The following C1orf21 variants were observed in gnomAD, a reference collection of about 807,000 sequenced individuals.
C1orf21 encodes the protein uncharacterized protein C1orf21.
In C1orf21, 3 loss-of-function variants were observed where a neutral mutation model predicts 18.7. The observed-to-expected ratio is 0.16, with a 90% CI of 0.07 to 0.42. The LOEUF (loss-of-function observed/expected upper bound fraction) is 0.42. Among genes scored for constraint, C1orf21 ranks in the 10% least tolerant of loss-of-function variants. C1orf21 has a pLI of 0.99. For missense variants in C1orf21, 104 were observed against 143.6 expected (o/e 0.72, Z 1.41); for synonymous variants, 41 against 46.4 (o/e 0.88, Z 0.47).
intron 1 of C1orf21, among the ~76,000 whole-genome samples, chr1:184,417,482 AC>A (rs1388117308): frequency 1.3e-5 from 2 of 152,202 alleles, no homozygotes; most frequent in Non-Finnish European, 2.9e-5. Context: ...CAAATTATAG[AC>A]CTCAAAAATT....
At chr1:184,435,229 T>C (rs574985788) in intron 1 of C1orf21, among the ~76,000 whole-genome samples, 1 of 152,350 alleles carries the variant, frequency 6.6e-6, no homozygotes, top group East Asian at 1.9e-4. Flanking sequence ...AGCTCTGGTT[T>C]GGCTGTATTA....
intron 1 of C1orf21, among the ~76,000 whole-genome samples, chr1:184,429,152 G>C (rs1446010749): frequency 6.6e-6 from 1 of 152,150 alleles, no homozygotes; most frequent in African/African-American, 2.4e-5. Flanking sequence ...ACAGCGATTT[G>C]GTCCTAGAGG....
intron 1 of C1orf21, among the ~76,000 whole-genome samples, chr1:184,439,303 G>A (rs1311192795): frequency 6.6e-6 from 1 of 151,866 alleles, no homozygotes. Context: ...GCTCAGGTTT[G>A]GGTCCTGGCT....
intron 3 of C1orf21, among the ~76,000 whole-genome samples, 175 bp from the exon 4 acceptor site, chr1:184,590,564 G>A (rs1267460672): frequency 6.6e-6 from 1 of 152,138 alleles, no homozygotes; most frequent in African/African-American, 2.4e-5. Flanking sequence ...CTCCCTGTTT[G>A]GCAGGTTCTA....
intron 1 of C1orf21, among the ~76,000 whole-genome samples, chr1:184,399,960 A>G (rs979064652): frequency 6.6e-6 from 1 of 152,196 alleles, no homozygotes; most frequent in Non-Finnish European, 1.5e-5. Flanking sequence ...TTCTATTTAA[A>G]CCAATATCAG....
chr1:184,454,497 C>T (rs1451472428), intron 1 of C1orf21, among the ~76,000 whole-genome samples: 1 of 152,116 alleles, frequency 6.6e-6, no homozygotes, highest in East Asian at 1.9e-4. Context: ...TGTGTCCCCA[C>T]CAAATCTCAT....
intron 2 of C1orf21, among the ~76,000 whole-genome samples, chr1:184,485,616 T>G (rs1484474679): frequency 6.6e-6 from 1 of 151,966 alleles, no homozygotes; most frequent in Non-Finnish European, 1.5e-5. Flanking sequence ...GAGCACTAGG[T>G]GTGTACACTC....
intron 2 of C1orf21, among the ~76,000 whole-genome samples, chr1:184,488,540 A>G (rs1657766752): frequency 1.3e-5 from 2 of 152,254 alleles, no homozygotes; most frequent in African/African-American, 4.8e-5. Flanking sequence ...TTAATTGGGT[A>G]CCATTTCAAT....
At chr1:184,528,708 T>G (rs893781861) in intron 3 of C1orf21, among the ~76,000 whole-genome samples, 2 of 152,108 alleles carry the variant, frequency 1.3e-5, no homozygotes, top group Non-Finnish European at 2.9e-5. Context: ...GCCTCCCAAA[T>G]TGAGCATTAT....
chr1:184,489,741 T>C (rs558906808), intron 2 of C1orf21, among the ~76,000 whole-genome samples: 2 of 152,356 alleles, frequency 1.3e-5, no homozygotes, highest in African/African-American at 4.8e-5. Context: ...AAAGGGATTT[T>C]ATGCAGCATA....
chr1:184,617,461 G>C (rs1659845777), intron 5 of C1orf21, among the ~76,000 whole-genome samples: 1 of 152,162 alleles, frequency 6.6e-6, no homozygotes, highest in South Asian at 2.1e-4. Flanking sequence ...TTGTTCCCCA[G>C]ATTAAAAAAT....
intron 3 of C1orf21, among the ~76,000 whole-genome samples, chr1:184,562,027 C>T (rs561213310): frequency 9.9e-5 from 15 of 151,694 alleles, no homozygotes; most frequent in African/African-American, 1.9e-4. Context: ...TTTTTTAGCC[C>T]GTGTACCAGA....
intron 3 of C1orf21, among the ~76,000 whole-genome samples, chr1:184,529,183 T>G (rs1658421473): frequency 1.3e-5 from 2 of 152,240 alleles, no homozygotes; most frequent in South Asian, 4.1e-4. Context: ...GATTGCTGGC[T>G]AATTTATTTC....
intron 1 of C1orf21, among the ~76,000 whole-genome samples, chr1:184,459,417 C>T (rs1008042231): frequency 2.0e-5 from 3 of 152,154 alleles, no homozygotes; most frequent in African/African-American, 7.2e-5. Flanking sequence ...CCAATTTGGC[C>T]TTGCAGAATA....
At chr1:184,594,405 T>G (rs925253906) in intron 4 of C1orf21, among the ~76,000 whole-genome samples, 7 of 152,138 alleles carry the variant, frequency 4.6e-5, no homozygotes, top group African/African-American at 1.7e-4. Flanking sequence ...AGAAAAGATA[T>G]CAATTTCTAC....
At chr1:184,536,792 C>G (rs976740386) in intron 3 of C1orf21, among the ~76,000 whole-genome samples, 4 of 150,892 alleles carry the variant, frequency 2.7e-5, no homozygotes, top group Admixed American at 6.6e-5. Context: ...GAAAGCCCAG[C>G]AGGGGTGACC....
At chr1:184,494,054 CA>C (rs1657854712) in intron 2 of C1orf21, among the ~76,000 whole-genome samples, 1 of 152,162 alleles carries the variant, frequency 6.6e-6, no homozygotes, top group South Asian at 2.1e-4. Flanking sequence ...AAAAGAGAGA[CA>C]AACATGTACT....
intron 3 of C1orf21, among the ~76,000 whole-genome samples, chr1:184,543,101 G>C (rs1199007711): frequency 6.6e-6 from 1 of 152,132 alleles, no homozygotes; most frequent in African/African-American, 2.4e-5. Flanking sequence ...CTGTAATCCT[G>C]GCACTTTGGG....
At chr1:184,436,304 T>G (rs1192007742) in intron 1 of C1orf21, among the ~76,000 whole-genome samples, 1 of 152,170 alleles carries the variant, frequency 6.6e-6, no homozygotes, top group Admixed American at 6.5e-5. Flanking sequence ...GCATCTCTTT[T>G]CTTTATGAAG....
Sources: gnomAD v4.1 joint callset for allele counts (sites outside exome capture counted in the v4.1 genomes callset) on GRCh38, gnomAD v4.1.1 for gene constraint, MANE v1.5 for transcripts, NCBI Gene and HGNC (gene_info 2026-07-23, HGNC 2026-07-21) for gene names.